Variants in TROAP observed in about 807,000 individuals in gnomAD.
The protein encoded by TROAP is trophinin associated protein.
A neutral mutation model predicts 83.4 loss-of-function variants in TROAP; 62 were observed. The observed-to-expected ratio is 0.74, with a 90% CI of 0.61 to 0.92. The LOEUF is 0.92. Among genes scored for constraint, TROAP ranks in the 40% least tolerant of loss-of-function variants. TROAP has a pLI of 0.00. For synonymous variants in TROAP, 352 were observed against 386.4 expected, an observed-to-expected ratio of 0.91 and a Z score of 1.04; for missense variants, 876 against 985.1, an observed-to-expected ratio of 0.89 and a Z score of 1.48.
chr12:49,330,345 G>A lies in TROAP; in HGVS notation c.1500G>A (p.Leu500=). The A allele has an allele frequency of 6.2e-7, 1 of 1,614,130 alleles. No homozygotes were observed. The highest frequency in any genetic ancestry group is 8.5e-7 in the Non-Finnish European group (1 of 1,179,986). Reference sequence around the variant, plus strand: ...CTGGACTGTTAAAACACTCAGGGCTGCCAAAGCCCTGTCTTCCAGAGGAGT... The same window carrying A: ...CTGGACTGTTAAAACACTCAGGGCTACCAAAGCCCTGTCTTCCAGAGGAGT... ...HLPGLLKHSG[L]PKPCLPEECG... is the part of the protein sequence containing the mutation. Residue 500 remains leucine, a synonymous_variant, in exon 13 of 15, where the codon CTG becomes CTA. Transcript: ENST00000257909.
chr12:49,330,729 G>T lies in TROAP; in HGVS notation c.1884G>T (p.Gly628=), dbSNP rs368263249. 2.5e-6 allele frequency: 4 copies of T among 1,614,044 alleles called. No homozygotes were observed. The African/African-American group carries it at 5.3e-5, about 22-fold the overall frequency. Residue 628 remains glycine (G), a synonymous_variant, in exon 13 of 15, where the codon GGG becomes GGT. Coordinates refer to ENST00000257909, the MANE Select transcript of TROAP (RefSeq NM_005480.4). ...GGCCCCTTCAGCCCAGCACCCAGGG[G>T]CAGTCTGGACCCCCAGGGCCCTGCC... ...EPGPLQPSTQ[G]QSGPPGPCPR... is the part of the protein sequence containing the mutation.
chr12:49,325,448 C>A, intron 3 of TROAP, 53 bp from the exon 4 acceptor site: 1 of 1,565,790 alleles, frequency 6.4e-7, no homozygotes, highest in Admixed American at 1.8e-5. Flanking sequence ...ATGCTAGGGG[C>A]CCTATCCCCC....
chr12:49,325,248 G>T (rs1943480037), intron 3 of TROAP, among the ~76,000 whole-genome samples: 1 of 151,134 alleles, frequency 6.6e-6, no homozygotes, highest in African/African-American at 2.4e-5. Flanking sequence ...TGGAGACAGG[G>T]TTTTGCTATG....
chr12:49,324,187 C>T (rs1354659039), intron 3 of TROAP, 150 bp downstream of exon 3: 1 of 1,614,064 alleles, frequency 6.2e-7, no homozygotes. Context: ...GCTCTTTGCT[C>T]TTAGAAGATC....
In TROAP at chr12:49,323,315, A is replaced by C. The variant is rs765263518; in HGVS notation, c.-40A>C. ...CCCGAGAGGGTCAGGAGAAAAGCGG[A>C]GGAAGCTGGGTAGGCCCTGAGGGGC... On this transcript the variant is annotated 5_prime_UTR_variant, in exon 1 of 15. Transcript: ENST00000257909. 52 of 339,906 alleles carry C rather than the reference A, an allele frequency of 1.5e-4. No individual in the cohort carries two copies. Among genetic ancestry groups the C allele is most frequent in the Non-Finnish European group, 2.6e-4 (49 of 186,664 alleles). The allele number at this position is 339,906 out of a possible 1,614,324, so 21.1% of individuals were successfully genotyped here.
rs760654432 is a variant in TROAP, at chr12:49,324,226, G to T, written c.337+189G>T. On this transcript the variant is annotated intron_variant, in intron 3 of 14. Coordinates refer to ENST00000257909, the MANE Select transcript of TROAP (RefSeq NM_005480.4). ...CTTTCCTCCAGCAAAATGTCATCTCGCCAGGTGCCATGGCTTGTACCTGTA... is the reference window on the plus strand; with the variant it reads ...CTTTCCTCCAGCAAAATGTCATCTCTCCAGGTGCCATGGCTTGTACCTGTA... 6.2e-6 allele frequency: 10 copies of T among 1,611,766 alleles called. 1 individual carries two copies. In the South Asian group the frequency reaches 9.9e-5, roughly 16 times the overall value.
chr12:49,325,476 T>C, intron 3 of TROAP, 25 bp from the exon 4 acceptor site: 1 of 1,605,840 alleles, frequency 6.2e-7, no homozygotes, highest in African/African-American at 1.3e-5. Context: ...TCCCCCTTCC[T>C]TTTCCTTCTC....
rs1943539575 is a variant in TROAP, at chr12:49,328,954, T to A, written c.919T>A (p.Ser307Thr). 1 of 1,588,656 alleles carries A rather than the reference T, an allele frequency of 6.3e-7. No homozygotes were observed. ...CAGCCATGACTCCCACCTGATGCCC[T>A]CCCCTGCCCCTGTGGCCCAGCCCTT... ...RDSHDSHLMP[S>T]PAPVAQPLPG... The change falls in exon 9 of 15, where the codon TCC (serine) becomes ACC (threonine). Residue 307 changes from serine (S) to threonine (T), a missense_variant. This residue lies in a region of TROAP where 689 missense variants were observed against 722.6 expected (regional missense o/e 0.95). Transcript: ENST00000257909.
rs1221839006 is a variant in TROAP at position 49,331,669 on chromosome 12, T to C, written c.*52T>C. On this transcript the variant is annotated 3_prime_UTR_variant, in exon 15 of 15. Transcript: ENST00000257909. ...ACTTCTTCCTTTTAGCCCTTATTTA[T>C]TGTCGGTCTGCCCATGGGACTGGGA... 2 of 1,612,070 alleles carry C rather than the reference T, an allele frequency of 1.2e-6. No individual in the cohort carries two copies. Among genetic ancestry groups the C allele is most frequent in the Non-Finnish European group, 1.7e-6 (2 of 1,178,782 alleles).
Position 49,326,176 on chromosome 12 carries a change from G to A in TROAP, c.716+18G>A. The A allele has an allele frequency of 6.2e-7, 1 of 1,611,046 alleles. No individual in the cohort carries two copies. Among genetic ancestry groups the A allele is most frequent in the South Asian group, 1.1e-5 (1 of 91,004 alleles). On this transcript the variant is annotated intron_variant, in intron 6 of 14. Coordinates refer to ENST00000257909, the MANE Select transcript of TROAP (RefSeq NM_005480.4). ...AGCAGCCGGTGAGAAAGGAGAGGGT[G>A]TGGGAGAAGGTCATCTGGAAAAGAA...
Position 49,330,820 on chromosome 12 carries a change from C to G in TROAP, c.1975C>G (p.Pro659Ala). ...LEHRSLESSL[P>A]PCCSQWAPAT... ...ACATAGAAGTCTAGAGTCCAGTCTA[C>G]CACCCTGCTGCAGTCAGTGGGCTCC... is the stretch of plus-strand genomic sequence containing the variant. Residue 659 changes from proline (P) to alanine (A), a missense_variant, in exon 13 of 15, where the codon CCA (proline) becomes GCA (alanine). Physicochemically the swap from Pro to Ala is conservative, Grantham distance 27. Transcript: ENST00000257909. The G allele has an allele frequency of 6.2e-7, 1 of 1,613,748 alleles. No individual in the cohort carries two copies. The highest frequency in any genetic ancestry group is 8.5e-7 in the Non-Finnish European group (1 of 1,180,002).
intron 13 of TROAP, 109 bp from the exon 14 acceptor site, chr12:49,331,105 A>G (rs747831828): frequency 6.5e-6 from 10 of 1,548,846 alleles, no homozygotes; most frequent in African/African-American, 1.4e-5. Flanking sequence ...CTGCACTTCC[A>G]GCCCTGTGCT....
At chr12:49,326,234 G>C (rs1943499304) in intron 6 of TROAP, 76 bp downstream of exon 6, 1 of 1,474,132 alleles carries the variant, frequency 6.8e-7, no homozygotes, top group Non-Finnish European at 9.4e-7. Context: ...GTCCCCCAGA[G>C]TTGGGGCCTT....
In TROAP at chr12:49,330,507, G is replaced by A. The variant is rs746888108; in HGVS notation, c.1662G>A (p.Arg554=). 1 of 1,613,586 alleles carries A rather than the reference G, an allele frequency of 6.2e-7. No individual in the cohort carries two copies. The highest frequency in any genetic ancestry group is 1.1e-5 in the South Asian group (1 of 90,988). Residue 554 remains arginine, a synonymous_variant, in exon 13 of 15, where the codon AGG becomes AGA. Coordinates refer to ENST00000257909, the MANE Select transcript of TROAP (RefSeq NM_005480.4). ...VPEPYPPAEP[R]PLESCCRSEP... ...AGCCCTACCCTCCAGCAGAACCCAG[G>A]CCCCTAGAGTCCTGCTGTAGGAGTG...
Position 49,323,660 on chromosome 12 carries a change from A to G in TROAP, c.52A>G (p.Thr18Ala), listed in dbSNP as rs755688199. The G allele has an allele frequency of 5.6e-6, 9 of 1,613,814 alleles. No individual in the cohort carries two copies. The highest frequency in any genetic ancestry group is 6.8e-6 in the Non-Finnish European group (8 of 1,179,984). Residue 18 changes from threonine (T) to alanine (A), a missense_variant, in exon 2 of 15, where the codon ACC becomes GCC. Thr to Ala is a moderately conservative substitution (Grantham distance 58, BLOSUM62 0). This residue lies in a region of TROAP where 689 missense variants were observed against 722.6 expected (regional missense o/e 0.95). Transcript: ENST00000257909. Reference protein sequence around the residue: ...KDPLLRGVSPTPSKIPVRSQK... With the variant: ...KDPLLRGVSPAPSKIPVRSQK... Reference sequence around the variant, plus strand: ...TCCCCTCCTCCGGGGTGTATCTCCTACCCCTAGCAAGATTCCGGTACGCTC... The same window carrying G: ...TCCCCTCCTCCGGGGTGTATCTCCTGCCCCTAGCAAGATTCCGGTACGCTC...
intron 13 of TROAP, 131 bp from the exon 14 acceptor site, chr12:49,331,083 A>T (rs571534954): frequency 2.0e-6 from 3 of 1,524,926 alleles, no homozygotes; most frequent in Non-Finnish European, 2.7e-6. Flanking sequence ...TCCCTCAGGA[A>T]GAGGGGAGGG....
At chr12:49,327,421 G>A in intron 8 of TROAP, 91 bp downstream of exon 8, 2 of 1,549,530 alleles carry the variant, frequency 1.3e-6, no homozygotes, top group Non-Finnish European at 1.8e-6. Flanking sequence ...AGAATTGTAG[G>A]TAGAGCCAGG....
intron 3 of TROAP, chr12:49,324,469 A>G: frequency 5.7e-6 from 2 of 348,136 alleles, no homozygotes; most frequent in East Asian, 1.0e-4. Flanking sequence ...TAACATGTAT[A>G]TACCTTGGCT....
At chr12:49,327,769 G>A (rs1017785563) in intron 8 of TROAP, among the ~76,000 whole-genome samples, 1 of 152,134 alleles carries the variant, frequency 6.6e-6, no homozygotes, top group African/African-American at 2.4e-5. Context: ...TGTCTCAGAT[G>A]ATGGTAAGTT....
Sources: allele counts gnomAD v4.1 joint callset (sites outside exome capture counted in the v4.1 genomes callset), GRCh38; gene constraint gnomAD v4.1.1; regional missense constraint gnomAD v4.1.1; transcripts MANE v1.5; gene names NCBI Gene and HGNC (gene_info 2026-07-23, HGNC 2026-07-21).